Variants in DGKB observed in about 807,000 individuals in gnomAD.
The protein encoded by DGKB is diacylglycerol kinase beta.
A neutral mutation model predicts 114.3 loss-of-function variants in DGKB; 67 were observed. The ratio of observed to expected loss-of-function variants is 0.59; its 90% CI spans 0.48 to 0.72. The LOEUF (loss-of-function observed/expected upper bound fraction) is 0.72, where lower values mean the gene tolerates loss of function less well. Among genes scored for constraint, DGKB ranks in the 30% least tolerant of loss-of-function variants. DGKB has a pLI of 0.00. For missense variants in DGKB, 907 were observed against 975.2 expected, an observed-to-expected ratio of 0.93 and a Z score of 0.93; for synonymous variants, 398 against 323.1, an observed-to-expected ratio of 1.23 and a Z score of -2.49.
At chr7:14,525,931 G>A (rs1346934755) in intron 20 of DGKB, among the ~76,000 whole-genome samples, 2 of 152,076 alleles carry the variant, frequency 1.3e-5, no homozygotes, top group Non-Finnish European at 2.9e-5. Flanking sequence ...AAATTTTTAA[G>A]TCAGTAATGA....
intron 25 of DGKB, chr7:14,175,831 A>G (rs1781646695): frequency 6.6e-6 from 1 of 152,050 alleles, no homozygotes; most frequent in Admixed American, 6.5e-5. Flanking sequence ...GGGGGATGGA[A>G]TTTCACTCTG....
At chr7:14,575,794 G>C (rs1448184338) in intron 19 of DGKB, among the ~76,000 whole-genome samples, 1 of 152,032 alleles carries the variant, frequency 6.6e-6, no homozygotes, top group Non-Finnish European at 1.5e-5. Flanking sequence ...TTTAATTGTT[G>C]AACAAGGAAA....
At position 14,685,345 on chromosome 7, in the gene DGKB, T is replaced by C; in HGVS notation, c.729A>G (p.Gly243=). ...LGLENNVKDD[G]QHVWRLKHFN... ...AGTGCTTCAGTCGCCACACGTGCTG[T>C]CCATCATCCTTCACGTTCTGCATGG... Residue 243 remains glycine (G), a synonymous_variant, in exon 10 of 26, where the codon GGA becomes GGG. Transcript: ENST00000402815. 1 of 1,613,376 alleles carries C rather than the reference T, an allele frequency of 6.2e-7. No individual in the cohort carries two copies. The highest frequency in any genetic ancestry group is 8.5e-7 in the Non-Finnish European group (1 of 1,179,404).
intron 1 of DGKB, among the ~76,000 whole-genome samples, chr7:14,927,319 A>G (rs894653443): frequency 1.3e-5 from 2 of 151,868 alleles, no homozygotes; most frequent in Non-Finnish European, 2.9e-5. Context: ...AATTAATTTT[A>G]TTTCCAGTTC....
At chr7:14,359,075 A>G (rs879927695) in intron 21 of DGKB, among the ~76,000 whole-genome samples, 1 of 152,038 alleles carries the variant, frequency 6.6e-6, no homozygotes, top group Admixed American at 6.6e-5. Context: ...CAGTAACCAA[A>G]ACAGCATGGT....
At chr7:14,682,222 C>T (rs1483817516) in intron 12 of DGKB, among the ~76,000 whole-genome samples, 1 of 152,042 alleles carries the variant, frequency 6.6e-6, no homozygotes, top group African/African-American at 2.4e-5. Flanking sequence ...CTGAGTTCTA[C>T]CCAAACAGTA....
rs193088601 is a variant in DGKB, at chr7:14,937,947, C to G, written c.-188+36749G>C. Among the ~76,000 whole-genome samples the G allele has an allele frequency of 8.4e-4, 127 of 151,982 alleles. 1 individual carries two copies. Among genetic ancestry groups the G allele is most frequent in the African/African-American group, 3.0e-3 (125 of 41,292 alleles). The stretch of plus-strand genomic sequence containing the variant: ...TTTGTCGTAAATGCAGTATATAATA[C>G]AACAAAACATGTGTTAGTTGACTGT... On this transcript the variant is annotated intron_variant, in intron 1 of 4. Transcript: ENST00000437998.
At chr7:14,411,266 C>T (rs570420479) in intron 21 of DGKB, among the ~76,000 whole-genome samples, 7 of 152,154 alleles carry the variant, frequency 4.6e-5, no homozygotes, top group Admixed American at 1.3e-4. Context: ...TTGGTCAGTT[C>T]GATGTATTAA....
At chr7:14,157,585 A>G (rs1443586192) in intron 25 of DGKB, among the ~76,000 whole-genome samples, 1 of 152,198 alleles carries the variant, frequency 6.6e-6, no homozygotes, top group Non-Finnish European at 1.5e-5. Flanking sequence ...CTTATTCCTG[A>G]AAGTGATGGA....
chr7:14,487,174 T>A (rs932425090), intron 20 of DGKB, among the ~76,000 whole-genome samples: 1 of 152,212 alleles, frequency 6.6e-6, no homozygotes, highest in African/African-American at 2.4e-5. Flanking sequence ...ATTTTTAACT[T>A]ATTTCCTCTT....
intron 20 of DGKB, among the ~76,000 whole-genome samples, chr7:14,535,213 A>G (rs1792235272): frequency 6.6e-6 from 1 of 152,034 alleles, no homozygotes; most frequent in Non-Finnish European, 1.5e-5. Context: ...ACAAAAAAAC[A>G]AAATAATTAG....
intron 1 of DGKB, among the ~76,000 whole-genome samples, chr7:14,886,739 T>A (rs1430898476): frequency 6.6e-6 from 1 of 151,872 alleles, no homozygotes; most frequent in Non-Finnish European, 1.5e-5. Flanking sequence ...CACCTGCAGT[T>A]CATCCAGCAC....
At chr7:14,521,158 TAAC>T (rs1478959827) in intron 20 of DGKB, among the ~76,000 whole-genome samples, 1 of 152,118 alleles carries the variant, frequency 6.6e-6, no homozygotes. Context: ...TATTTTCGTT[TAAC>T]AACATTTGCC....
chr7:14,917,272 G>C (rs1431417153), intron 1 of DGKB, among the ~76,000 whole-genome samples: 2 of 151,928 alleles, frequency 1.3e-5, no homozygotes, highest in Non-Finnish European at 2.9e-5. Context: ...TAAAAAAATA[G>C]AAGTTAGAGC....
At chr7:14,333,042 C>T (rs757331907) in intron 23 of DGKB, among the ~76,000 whole-genome samples, 1 of 152,114 alleles carries the variant, frequency 6.6e-6, no homozygotes, top group Admixed American at 6.6e-5. Flanking sequence ...CTTTTTAAAG[C>T]AGTCAACAAC....
chr7:14,490,758 T>A (rs749175519), intron 20 of DGKB, among the ~76,000 whole-genome samples: 6 of 152,176 alleles, frequency 3.9e-5, no homozygotes, highest in Non-Finnish European at 5.9e-5. Flanking sequence ...AATCATTTAT[T>A]CAGCGCTTCA....
chr7:14,719,011 T>C, intron 5 of DGKB: 1 of 187,924 alleles, frequency 5.3e-6, no homozygotes, highest in Non-Finnish European at 1.1e-5. Context: ...TTCTGTGCTT[T>C]AGGTAGTGAC....
chr7:14,610,690 G>A (rs544659873), intron 16 of DGKB, among the ~76,000 whole-genome samples: 1 of 151,652 alleles, frequency 6.6e-6, no homozygotes, highest in East Asian at 1.9e-4. Context: ...CTTTTCCCTG[G>A]CACCTGAACC....
At chr7:14,150,100 T>C (rs1293271242) in intron 25 of DGKB, among the ~76,000 whole-genome samples, 2 of 152,114 alleles carry the variant, frequency 1.3e-5, no homozygotes, top group Non-Finnish European at 1.5e-5. Flanking sequence ...AGATAATAAA[T>C]GATTCTCATT....
Sources: gnomAD v4.1 joint callset for allele counts (sites outside exome capture counted in the v4.1 genomes callset) on GRCh38, gnomAD v4.1.1 for gene constraint, MANE v1.5 for transcripts, NCBI Gene and HGNC (gene_info 2026-07-23, HGNC 2026-07-21) for gene names.